The following ZYG11A variants were observed in gnomAD, a reference collection of about 807,000 sequenced individuals.
The protein encoded by ZYG11A is protein zyg-11 homolog A.
ZYG11A carries 62 observed loss-of-function variants against 77.2 expected under a neutral mutation model. The observed-to-expected ratio is 0.80, with a 90% CI of 0.65 to 0.99. The LOEUF (loss-of-function observed/expected upper bound fraction) is 0.99. Among genes scored for constraint, ZYG11A ranks in the 50% least tolerant of loss-of-function variants. The pLI is 0.00. For synonymous variants in ZYG11A, 315 were observed against 324.6 expected (o/e 0.97, Z 0.32); for missense variants, 828 against 896.8 (o/e 0.92, Z 0.98).
rs755054217 is a variant in ZYG11A at position 52,842,878 on chromosome 1, G to C, written c.-6G>C. 7 of 1,530,386 alleles carry C rather than the reference G, an allele frequency of 4.6e-6. No individual in the cohort carries two copies. Among genetic ancestry groups the C allele is most frequent in the Non-Finnish European group, 6.2e-6 (7 of 1,138,156 alleles). The allele number at this position is 1,530,386 out of a possible 1,614,324, so 94.8% of individuals were successfully genotyped here. A position where few individuals can be genotyped will look rare whatever the true frequency, so the allele number is the denominator to read the frequency against. ...CTCTTTTTGACGCCCCGCCGCCGGG[G>C]TTGCCATGGTTCATTTCTTGCACCC... On this transcript the variant is annotated 5_prime_UTR_variant, in exon 1 of 14. Transcript: ENST00000371528.
At chr1:52,873,798 A>G (rs1165187671) in intron 8 of ZYG11A, among the ~76,000 whole-genome samples, 2 of 152,130 alleles carry the variant, frequency 1.3e-5, no homozygotes, top group Non-Finnish European at 2.9e-5. Flanking sequence ...AGCCTGGCCA[A>G]CATGGTGGAA....
chr1:52,843,636 T>C (rs1222035852), intron 1 of ZYG11A, among the ~76,000 whole-genome samples: 1 of 152,028 alleles, frequency 6.6e-6, no homozygotes, highest in Non-Finnish European at 1.5e-5. Context: ...ACCCAAAGAA[T>C]GTGTGTTTAG....
intron 10 of ZYG11A, among the ~76,000 whole-genome samples, chr1:52,879,883 C>G (rs1646333795): frequency 6.6e-6 from 1 of 151,734 alleles, no homozygotes; most frequent in Admixed American, 6.6e-5. Context: ...CCACTTCAGT[C>G]TCCCGAGTAG....
At chr1:52,865,307 T>C (rs1646005143) in intron 5 of ZYG11A, among the ~76,000 whole-genome samples, 1 of 152,286 alleles carries the variant, frequency 6.6e-6, no homozygotes, top group East Asian at 1.9e-4. Context: ...ATGTTCATTA[T>C]ATATATATGA....
intron 5 of ZYG11A, 50 bp from the exon 6 acceptor site, chr1:52,866,453 G>C: frequency 9.5e-7 from 1 of 1,047,136 alleles, no homozygotes. Flanking sequence ...TCTTTGTTTA[G>C]AATGGAATGT....
At chr1:52,890,053 GTTT>G (rs67041059) in intron 13 of ZYG11A, among the ~76,000 whole-genome samples, 5 of 118,528 alleles carry the variant, frequency 4.2e-5, no homozygotes, top group Admixed American at 3.6e-4. Flanking sequence ...ATCACTGCTT[GTTT>G]TTTTTTTTTT....
Position 52,859,669 on chromosome 1 carries a change from T to A in ZYG11A, c.1009-1062T>A, listed in dbSNP as rs1468262844. Among the ~76,000 whole-genome samples the A allele has an allele frequency of 1.8e-3, 82 of 45,804 alleles. 5 individuals are homozygous for A. The highest frequency in any genetic ancestry group is 4.1e-3 in the Admixed American group (24 of 5,856). 30.0% of individuals were successfully genotyped at this position (45,804 alleles called of 152,430 possible). On this transcript the variant is annotated intron_variant, in intron 3 of 13. Transcript: ENST00000371528. Reference sequence around the variant, plus strand: ...ATTTTTATCTGTTTGTGTATTGCCTTTTTTTTTTTTTTTTTTTTTTTTTTT... The same window carrying A: ...ATTTTTATCTGTTTGTGTATTGCCTATTTTTTTTTTTTTTTTTTTTTTTTT...
intron 12 of ZYG11A, among the ~76,000 whole-genome samples, 185 bp downstream of exon 12, chr1:52,886,079 C>G (rs967116505): frequency 2.0e-5 from 3 of 152,106 alleles, no homozygotes; most frequent in Non-Finnish European, 4.4e-5. Flanking sequence ...ACTACAGGCA[C>G]CCGCCACCAT....
chr1:52,867,983 T>C (rs76223472), intron 8 of ZYG11A, among the ~76,000 whole-genome samples: 1 of 146,502 alleles, frequency 6.8e-6, no homozygotes, highest in Non-Finnish European at 1.5e-5. Flanking sequence ...TTTTTTTTTT[T>C]TGAGACAGAG....
rs386366962 is a variant in ZYG11A, at chr1:52,886,699, ATTTTTTTTTT to A, written c.2007-238_2007-229del. On this transcript the variant is annotated intron_variant, in intron 12 of 13. Transcript: ENST00000371528. ...AGGCGTGTGCCACCAGGCCCAGCTA[ATTTTTTTTTT>A]TTTTTTTTTTTTTTTTTTGTAGAGA... is the stretch of plus-strand genomic sequence containing the variant. Among the ~76,000 whole-genome samples the A allele has an allele frequency of 4.2e-4, 29 of 69,138 alleles. No homozygotes were observed. The South Asian group carries it at 4.6e-3, about 11-fold the overall frequency. The allele number at this position is 69,138 out of a possible 152,430, so 45.4% of individuals were successfully genotyped here. A position where few individuals can be genotyped will look rare whatever the true frequency, so the allele number is the denominator to read the frequency against.
At chr1:52,855,905 T>A (rs1211832068) in intron 2 of ZYG11A, among the ~76,000 whole-genome samples, 2 of 152,176 alleles carry the variant, frequency 1.3e-5, no homozygotes, top group African/African-American at 4.8e-5. Context: ...CTTAAAAAAT[T>A]TATTCTAAAC....
chr1:52,862,039 T>C (rs981971870), intron 4 of ZYG11A, among the ~76,000 whole-genome samples: 2 of 151,720 alleles, frequency 1.3e-5, no homozygotes, highest in African/African-American at 4.8e-5. Flanking sequence ...TAGAACCCCG[T>C]CTCTACTAAA....
chr1:52,877,525 A>G (rs1486217192), intron 8 of ZYG11A, among the ~76,000 whole-genome samples, 157 bp from the exon 9 acceptor site: 1 of 152,222 alleles, frequency 6.6e-6, no homozygotes, highest in Non-Finnish European at 1.5e-5. Flanking sequence ...AAGTAGTTGT[A>G]ATTTATTTTA....
intron 11 of ZYG11A, among the ~76,000 whole-genome samples, chr1:52,883,325 T>C (rs1423000830): frequency 6.6e-6 from 1 of 152,080 alleles, no homozygotes; most frequent in African/African-American, 2.4e-5. Context: ...GATTTCACCA[T>C]GTTGGCCAAG....
At chr1:52,877,431 A>G (rs1178356661) in intron 8 of ZYG11A, among the ~76,000 whole-genome samples, 8 of 152,204 alleles carry the variant, frequency 5.3e-5, no homozygotes, top group African/African-American at 1.9e-4. Context: ...CTAATAATGT[A>G]CTTGATGACC....
chr1:52,842,952 C>T lies in ZYG11A; in HGVS notation c.69C>T (p.Ala23=), dbSNP rs1236654290. 2 of 1,530,242 alleles carry T rather than the reference C, an allele frequency of 1.3e-6. No individual in the cohort carries two copies. The highest frequency in any genetic ancestry group is 4.1e-5 in the Admixed American group (2 of 48,490). The allele number at this position is 1,530,242 out of a possible 1,614,324, so 94.8% of individuals were successfully genotyped here. ...NIVPPDAQKD[A]LGCCVVQEEA... is the part of the protein sequence containing the mutation. ...TCCCTCCTGACGCTCAGAAGGATGC[C>T]CTGGGCTGCTGCGTGGTACAGGTGA... is the stretch of plus-strand genomic sequence containing the variant. Residue 23 remains alanine (A), a synonymous_variant, in exon 1 of 14, where the codon GCC becomes GCT. Transcript: ENST00000371528.
intron 3 of ZYG11A, among the ~76,000 whole-genome samples, chr1:52,859,191 C>T (rs1046003922): frequency 4.0e-5 from 6 of 151,410 alleles, no homozygotes; most frequent in African/African-American, 1.5e-4. Flanking sequence ...TTGGGACAGT[C>T]GAGTCCTGCT....
At chr1:52,845,581 C>T (rs1412902371) in intron 1 of ZYG11A, among the ~76,000 whole-genome samples, 1 of 151,704 alleles carries the variant, frequency 6.6e-6, no homozygotes, top group Non-Finnish European at 1.5e-5. Context: ...ATCTTGACCA[C>T]CCAAAGTGCT....
In ZYG11A at chr1:52,881,522, G is replaced by A. The variant is rs1557454803; in HGVS notation, c.1801G>A (p.Val601Met). ...ELSSKLVTEDVLKHINSLLCS... is the reference protein window; with the variant it reads ...ELSSKLVTEDMLKHINSLLCS... The stretch of plus-strand genomic sequence containing the variant: ...CTCTTCCAAGCTGGTGACCGAAGAT[G>A]TGCTGAAGCATATCAACAGTTTACT... The change falls in exon 11 of 14, where the codon GTG (valine) becomes ATG (methionine). Residue 601 changes from valine (V) to methionine (M), a missense_variant. By Grantham distance (21) the Val-to-Met change is conservative. Transcript: ENST00000371528. 11 of 1,551,820 alleles carry A rather than the reference G, an allele frequency of 7.1e-6. No individual in the cohort carries two copies. The highest frequency in any genetic ancestry group is 2.4e-5 in the East Asian group (1 of 40,918).
Sources: gnomAD v4.1 joint callset for allele counts (sites outside exome capture counted in the v4.1 genomes callset) on GRCh38, gnomAD v4.1.1 for gene constraint, MANE v1.5 for transcripts, NCBI Gene and HGNC (gene_info 2026-07-23, HGNC 2026-07-21) for gene names.